Variants in EPOR observed in about 807,000 individuals in gnomAD.
The protein encoded by EPOR is erythropoietin receptor.
EPOR carries 20 observed loss-of-function variants against 34.3 expected under a neutral mutation model. The observed-to-expected ratio is 0.58, with a 90% CI of 0.41 to 0.85. EPOR has a LOEUF of 0.85. EPOR is among the 40% of genes least tolerant of loss of function. The probability of loss-of-function intolerance (pLI) is 0.00; values close to 1 mark genes in which losing one functional copy is unlikely to be tolerated. For synonymous variants in EPOR, 312 were observed against 299.0 expected, an observed-to-expected ratio of 1.04 and a Z score of -0.45; for missense variants, 601 against 672.7, an observed-to-expected ratio of 0.89 and a Z score of 1.18.
Position 11,378,992 on chromosome 19 carries a change from A to G in EPOR, c.828-214T>C, listed in dbSNP as rs956002137. ...AATGGAACAGGGTATTGAAGGGTGC[A>G]TAGGAGTTCAATATACCTTGGTCAT... is the stretch of plus-strand genomic sequence containing the variant. On this transcript the variant is annotated intron_variant, in intron 6 of 7. Transcript: ENST00000222139. This position sits in a 1 kb window ranked among gnomAD's most constrained non-coding sequence, Gnocchi z 5.3. 6.6e-6 allele frequency among the ~76,000 whole-genome samples: 1 copy of G among 152,254 alleles called. No homozygotes were observed.
chr19:11,377,608 C>T lies in EPOR; in HGVS notation c.*376G>A. On this transcript the variant is annotated 3_prime_UTR_variant, in exon 8 of 8. Coordinates refer to ENST00000222139, the MANE Select transcript of EPOR (RefSeq NM_000121.4). ...GTGGTAAGCCAGTAAGATTTAAGAG[C>T]TGTTTAACATACTATTTTGTTATGT... is the stretch of plus-strand genomic sequence containing the variant. 2.2e-6 allele frequency: 1 copy of T among 464,836 alleles called. No individual in the cohort carries two copies. Among genetic ancestry groups the T allele is most frequent in the Non-Finnish European group, 4.3e-6 (1 of 234,488 alleles). The allele number at this position is 464,836 out of a possible 1,614,324, so 28.8% of individuals were successfully genotyped here.
In EPOR at chr19:11,381,300, A is replaced by G; in HGVS notation, c.586-91T>C. On this transcript the variant is annotated intron_variant, in intron 4 of 7. Coordinates refer to ENST00000222139, the MANE Select transcript of EPOR (RefSeq NM_000121.4). This position sits in a 1 kb window ranked among gnomAD's most constrained non-coding sequence, Gnocchi z 5.3. The stretch of plus-strand genomic sequence containing the variant: ...GGTGGAACTGAGCCAATCAGGGGAA[A>G]GGAAAACGGTGCCCTAGAATTGCAA... The G allele has an allele frequency of 2.8e-6, 4 of 1,416,990 alleles. No individual in the cohort carries two copies. The highest frequency in any genetic ancestry group is 2.9e-6 in the Non-Finnish European group (3 of 1,031,388). The allele number at this position is 1,416,990 out of a possible 1,614,324, so 87.8% of individuals were successfully genotyped here. A position where few individuals can be genotyped will look rare whatever the true frequency, so the allele number is the denominator to read the frequency against.
chr19:11,380,801 T>C, intron 6 of EPOR, 83 bp downstream of exon 6: 1 of 1,164,744 alleles, frequency 8.6e-7, no homozygotes, highest in Non-Finnish European at 1.3e-6. Flanking sequence ...AGTGCGTGTC[T>C]CTCTCTGAGC....
rs1359594068 is a variant in EPOR, at chr19:11,382,248, T to C, written c.252-143A>G. ...CAAGGTGTTCCTTCGTCGCCCAGGC[T>C]GGAGTGCAGTGGCGCGATCATGGCT... On this transcript the variant is annotated intron_variant, in intron 2 of 7. Transcript: ENST00000222139. 1.9e-5 allele frequency: 13 copies of C among 691,058 alleles called. No individual in the cohort carries two copies. In the East Asian group the frequency reaches 1.9e-4, roughly 10 times the overall value. 42.8% of individuals were successfully genotyped at this position (691,058 alleles called of 1,614,324 possible).
Position 11,378,808 on chromosome 19 carries a change from G to T in EPOR, c.828-30C>A, listed in dbSNP as rs1173108200. ...TGAAGCCAATATAAATAGTTACATA[G>T]ATATGACTCATTGAATACTCACCAA... On this transcript the variant is annotated intron_variant, in intron 6 of 7. Transcript: ENST00000222139. The surrounding 1 kb of genome is among the most constrained non-coding windows in gnomAD (Gnocchi z 5.3). 1.2e-6 allele frequency: 2 copies of T among 1,604,050 alleles called. No homozygotes were observed. Among genetic ancestry groups the T allele is most frequent in the African/African-American group, 2.7e-5 (2 of 74,830 alleles).
At position 11,383,854 on chromosome 19, in the gene EPOR, G is replaced by T. The variant is rs1332515848; in HGVS notation, c.115+239C>A. 6.6e-6 allele frequency among the ~76,000 whole-genome samples: 1 copy of T among 151,620 alleles called. No individual in the cohort carries two copies. ...CTCCCTGAAAAGGTAAAACGGGAATGTTAAGCCCACTCTAGCTCTTGCCCG... is the reference window on the plus strand; with the variant it reads ...CTCCCTGAAAAGGTAAAACGGGAATTTTAAGCCCACTCTAGCTCTTGCCCG... On this transcript the variant is annotated intron_variant, in intron 1 of 7. Transcript: ENST00000222139. This position sits in a 1 kb window ranked among gnomAD's most constrained non-coding sequence, Gnocchi z 4.9.
chr19:11,380,221 T>C (rs544508616), intron 6 of EPOR, among the ~76,000 whole-genome samples: 8 of 152,348 alleles, frequency 5.3e-5, no homozygotes, highest in Admixed American at 4.6e-4. Context: ...TTACAATTTG[T>C]CATCAAATAT....
chr19:11,382,769 C>G, intron 2 of EPOR: 1 of 1,249,698 alleles, frequency 8.0e-7, no homozygotes, highest in South Asian at 1.5e-5. Flanking sequence ...GTTGGGATTA[C>G]AGGCATGAGC....
Position 11,378,790 on chromosome 19 carries a change from A to G in EPOR, c.828-12T>C. On this transcript the variant is annotated splice_polypyrimidine_tract_variant and intron_variant, in intron 6 of 7. Transcript: ENST00000222139. The surrounding 1 kb of genome is among the most constrained non-coding windows in gnomAD (Gnocchi z 5.3). ...TCTGCTTCAGAGCCCTGTTGAAGCCAATATAAATAGTTACATAGATATGAC... is the reference window on the plus strand; with the variant it reads ...TCTGCTTCAGAGCCCTGTTGAAGCCGATATAAATAGTTACATAGATATGAC... The G allele has an allele frequency of 6.8e-6, 11 of 1,613,386 alleles. No individual in the cohort carries two copies. Among genetic ancestry groups the G allele is most frequent in the Non-Finnish European group, 9.3e-6 (11 of 1,179,468 alleles).
At position 11,381,238 on chromosome 19, in the gene EPOR, G is replaced by A. The variant is rs2144697370; in HGVS notation, c.586-29C>T. 1 of 1,548,402 alleles carries A rather than the reference G, an allele frequency of 6.5e-7. No homozygotes were observed. The highest frequency in any genetic ancestry group is 8.7e-7 in the Non-Finnish European group (1 of 1,146,708). ...GGGGCGGAATCAGGGCGAGGGACGCGTAGCAGACAAAAATAGATGACGTGG... is the reference window on the plus strand; with the variant it reads ...GGGGCGGAATCAGGGCGAGGGACGCATAGCAGACAAAAATAGATGACGTGG... On this transcript the variant is annotated intron_variant, in intron 4 of 7. Transcript: ENST00000222139. This position sits in a 1 kb window ranked among gnomAD's most constrained non-coding sequence, Gnocchi z 5.3.
In EPOR at chr19:11,384,134, G is replaced by A. The variant is rs1381812126; in HGVS notation, c.74C>T (p.Ala25Val). The A allele has an allele frequency of 1.3e-6, 2 of 1,549,884 alleles. No individual in the cohort carries two copies. Among genetic ancestry groups the A allele is most frequent in the Admixed American group, 2.0e-5 (1 of 50,774 alleles). ...GGGGTCCGGGAGGTTAGGCGGGGGC[G>A]CCCAGGCGGCCCCAGCGAGCAGGAG... ...LCLLLAGAAW[A>V]PPPNLPDPKF... Residue 25 changes from alanine to valine, a missense_variant, in exon 1 of 8, where the codon GCG (alanine) becomes GTG (valine). Coordinates refer to ENST00000222139, the MANE Select transcript of EPOR (RefSeq NM_000121.4).
intron 6 of EPOR, 78 bp downstream of exon 6, chr19:11,380,806 C>G (rs191396908): frequency 9.8e-6 from 12 of 1,224,518 alleles, no homozygotes; most frequent in Non-Finnish European, 1.4e-5. Flanking sequence ...GTGTCTCTCT[C>G]TGAGCCTAGG....
chr19:11,381,409 C>T lies in EPOR; in HGVS notation c.586-200G>A. ...AGTCTCTGGTACGAAAGGGCGGGAC[C>T]CGGGCAATTTAATATCTGGGCTAGC... On this transcript the variant is annotated intron_variant, in intron 4 of 7. Coordinates refer to ENST00000222139, the MANE Select transcript of EPOR (RefSeq NM_000121.4). The surrounding 1 kb of genome is among the most constrained non-coding windows in gnomAD (Gnocchi z 5.3). The T allele has an allele frequency of 1.4e-6, 1 of 705,198 alleles. No homozygotes were observed. 43.7% of individuals were successfully genotyped at this position (705,198 alleles called of 1,614,324 possible).
At position 11,381,256 on chromosome 19, in the gene EPOR, T is replaced by A; in HGVS notation, c.586-47A>T. The A allele has an allele frequency of 6.5e-7, 1 of 1,544,986 alleles. No individual in the cohort carries two copies. The highest frequency in any genetic ancestry group is 8.7e-7 in the Non-Finnish European group (1 of 1,144,156). On this transcript the variant is annotated intron_variant, in intron 4 of 7. Transcript: ENST00000222139. This position sits in a 1 kb window ranked among gnomAD's most constrained non-coding sequence, Gnocchi z 5.3. ...GGGACGCGTAGCAGACAAAAATAGA[T>A]GACGTGGGGGCGGGCCCTGGTGGAA...
rs199637505 is a variant in EPOR, at chr19:11,378,104, G to A, written c.1407C>T (p.Ser469=). The A allele has an allele frequency of 1.1e-4, 182 of 1,614,008 alleles. No homozygotes were observed. Among genetic ancestry groups the A allele is most frequent in the Non-Finnish European group, 1.4e-4 (166 of 1,180,044 alleles). ...VSDSGISTDY[S]SGDSQGAQGG... ...CTTGGGCTCCCTGGGAGTCCCCTGA[G>A]CTGTAGTCAGTTGAGATGCCAGAGT... The change falls in exon 8 of 8, where the codon AGC becomes AGT. Residue 469 remains serine (S), a synonymous_variant. Coordinates refer to ENST00000222139, the MANE Select transcript of EPOR (RefSeq NM_000121.4). This position sits in a 1 kb window ranked among gnomAD's most constrained non-coding sequence, Gnocchi z 5.3.
chr19:11,384,217 C>G lies in EPOR; in HGVS notation c.-10G>C, dbSNP rs1159447438. On this transcript the variant is annotated 5_prime_UTR_variant, in exon 1 of 8. Coordinates refer to ENST00000222139, the MANE Select transcript of EPOR (RefSeq NM_000121.4). ...CCCCGAGGTGGTCCATGATACAGCC[C>G]CCGCCACGGGGAGCCCAGGGCTCCT... 2 of 1,521,810 alleles carry G rather than the reference C, an allele frequency of 1.3e-6. No individual in the cohort carries two copies. Among genetic ancestry groups the G allele is most frequent in the African/African-American group, 2.8e-5 (2 of 72,518 alleles). The allele number at this position is 1,521,810 out of a possible 1,614,324, so 94.3% of individuals were successfully genotyped here. A position where few individuals can be genotyped will look rare whatever the true frequency, so the allele number is the denominator to read the frequency against.
intron 6 of EPOR, among the ~76,000 whole-genome samples, chr19:11,379,415 C>T (rs1448017371): frequency 1.3e-5 from 2 of 152,148 alleles, no homozygotes; most frequent in East Asian, 3.9e-4. Flanking sequence ...AACCCCGTCT[C>T]TACTAAAACT....
At position 11,381,357 on chromosome 19, in the gene EPOR, A is replaced by G. The variant is rs901180918; in HGVS notation, c.586-148T>C. The G allele has an allele frequency of 1.1e-6, 1 of 884,638 alleles. No individual in the cohort carries two copies. The highest frequency in any genetic ancestry group is 1.8e-6 in the Non-Finnish European group (1 of 566,314). The allele number at this position is 884,638 out of a possible 1,614,324, so 54.8% of individuals were successfully genotyped here. On this transcript the variant is annotated intron_variant, in intron 4 of 7. Transcript: ENST00000222139. This position sits in a 1 kb window ranked among gnomAD's most constrained non-coding sequence, Gnocchi z 5.3. The stretch of plus-strand genomic sequence containing the variant: ...CAATAAGAGTAGGGGGAGGAGCCCA[A>G]GAAAGCTCAGGGCCAATCAGAGAGA...
In EPOR at chr19:11,378,471, G is replaced by A. The variant is rs141940285; in HGVS notation, c.1040C>T (p.Pro347Leu). 59 of 1,614,156 alleles carry A rather than the reference G, an allele frequency of 3.7e-5. 4 individuals are homozygous for A. The highest frequency in any genetic ancestry group is 2.4e-4 in the African/African-American group (18 of 75,032). Residue 347 changes from proline (P) to leucine (L), a missense_variant, in exon 8 of 8, where the codon CCG becomes CTG. Pro to Leu is a moderately conservative substitution (Grantham distance 98). Transcript: ENST00000222139. The surrounding 1 kb of genome is among the most constrained non-coding windows in gnomAD (Gnocchi z 5.3). ...CAGGGGGCCCTCATCATCTGTCCCC[G>A]GCTCCACTGCCTGCATCGTCCCCCA... is the stretch of plus-strand genomic sequence containing the variant. ...RCWGTMQAVE[P>L]GTDDEGPLLE... is the part of the protein sequence containing the mutation.
Sources: gnomAD v4.1 joint callset for allele counts (sites outside exome capture counted in the v4.1 genomes callset) on GRCh38, gnomAD v4.1.1 for gene constraint, Gnocchi (gnomAD v3.1) non-coding constraint, MANE v1.5 for transcripts, NCBI Gene and HGNC (gene_info 2026-07-23, HGNC 2026-07-21) for gene names.